MLLT10: variants seen among roughly 807,000 people sequenced by gnomAD.
The protein encoded by MLLT10 is MLLT10 histone lysine methyltransferase DOT1L cofactor.
MLLT10 carries 30 observed loss-of-function variants against 129.1 expected under a neutral mutation model. The observed-to-expected ratio is 0.23, with a 90% confidence interval of 0.17 to 0.32. MLLT10 has a LOEUF of 0.32. Ranked by LOEUF, MLLT10 falls within the 10% of genes least tolerant of loss-of-function variation. MLLT10 has a pLI of 1.00. For missense variants in MLLT10, 1,119 were observed against 1,268.3 expected, an observed-to-expected ratio of 0.88 and a Z score of 1.79; for synonymous variants, 490 against 446.4, an observed-to-expected ratio of 1.10 and a Z score of -1.23.
intron 3 of MLLT10, among the ~76,000 whole-genome samples, chr10:21,548,213 C>T (rs2036416185): frequency 1.3e-5 from 2 of 152,032 alleles, no homozygotes; most frequent in African/African-American, 4.8e-5. Context: ...CTTTTTCATT[C>T]TGAGGACTCA....
At chr10:21,702,965 T>G (rs902294408) in intron 13 of MLLT10, among the ~76,000 whole-genome samples, 1 of 152,174 alleles carries the variant, frequency 6.6e-6, no homozygotes, top group Non-Finnish European at 1.5e-5. Flanking sequence ...TGTCCTATTG[T>G]TTTCTAGTTG....
chr10:21,600,122 G>T (rs1284914378), intron 5 of MLLT10, among the ~76,000 whole-genome samples: 1 of 152,020 alleles, frequency 6.6e-6, no homozygotes, highest in East Asian at 1.9e-4. Flanking sequence ...ACTTGAGTTT[G>T]TTTCTGGACT....
At chr10:21,576,990 C>T (rs192225764) in intron 3 of MLLT10, among the ~76,000 whole-genome samples, 7 of 152,292 alleles carry the variant, frequency 4.6e-5, no homozygotes, top group Admixed American at 2.0e-4. Flanking sequence ...ACACTTGTAT[C>T]CCCTCAAGAA....
rs573122350 is a variant in MLLT10, at chr10:21,730,454, T to G, written c.2064-446T>G. Among the ~76,000 whole-genome samples the G allele has an allele frequency of 2.6e-5, 4 of 152,358 alleles. No homozygotes were observed. In the East Asian group the frequency reaches 7.7e-4, roughly 29 times the overall value. Reference sequence around the variant, plus strand: ...AGTGACATTTGAGATTTTAGTTGGTTGTAAATTCAAATACCTTTTACAGTA... The same window carrying G: ...AGTGACATTTGAGATTTTAGTTGGTGGTAAATTCAAATACCTTTTACAGTA... On this transcript the variant is annotated intron_variant, in intron 16 of 22. Coordinates refer to ENST00000307729, the MANE Select transcript of MLLT10 (RefSeq NM_001195626.3).
intron 8 of MLLT10, among the ~76,000 whole-genome samples, chr10:21,635,692 A>G (rs1290528185): frequency 1.3e-5 from 2 of 150,808 alleles, no homozygotes; most frequent in Non-Finnish European, 3.0e-5. Flanking sequence ...ATGAGAAACT[A>G]TGTTGCTGCC....
chr10:21,670,726 A>T, intron 10 of MLLT10, 22 bp downstream of exon 10: 1 of 1,595,922 alleles, frequency 6.3e-7, no homozygotes, highest in Non-Finnish European at 8.5e-7. Context: ...GTTTTAGTTA[A>T]AATACTTGTG....
chr10:21,537,758 C>T (rs1042315810), intron 2 of MLLT10, among the ~76,000 whole-genome samples: 15 of 152,056 alleles, frequency 9.9e-5, no homozygotes, highest in Admixed American at 5.9e-4. Flanking sequence ...CATGAGCCAC[C>T]GCGTCCGACC....
rs138455745 is a variant in MLLT10 at position 21,540,168 on chromosome 10, A to T, written c.240+1256A>T. ...CACTTTGGTAGGCTGAGGTGGGCGG[A>T]TCACTTGGGGTCAGGAGTTTGAGAC... On this transcript the variant is annotated intron_variant, in intron 3 of 22. Coordinates refer to ENST00000307729, the MANE Select transcript of MLLT10 (RefSeq NM_001195626.3). Among the ~76,000 whole-genome samples the T allele has an allele frequency of 2.8e-3, 429 of 152,246 alleles. 1 individual carries two copies. Among genetic ancestry groups the T allele is most frequent in the African/African-American group, 8.9e-3 (369 of 41,544 alleles).
chr10:21,562,812 T>TTTTTTG, intron 3 of MLLT10, among the ~76,000 whole-genome samples: 1 of 123,062 alleles, frequency 8.1e-6, no homozygotes. Flanking sequence ...ATACTTTGTT[T>TTTTTTG]TTTTTGTTTT....
intron 8 of MLLT10, among the ~76,000 whole-genome samples, chr10:21,651,442 A>G (rs1024589732): frequency 3.3e-5 from 5 of 152,218 alleles, no homozygotes; most frequent in Non-Finnish European, 5.9e-5. Flanking sequence ...TACAGACTTC[A>G]GTTGTTTATT....
At chr10:21,717,519 A>ACCTCCTCCTCCTCCTCCTCCT (rs1180960349) in intron 14 of MLLT10, among the ~76,000 whole-genome samples, 30 of 75,284 alleles carry the variant, frequency 4.0e-4, no homozygotes, top group Admixed American at 6.3e-4. Context: ...CTCCTCCACC[A>ACCTCCTCCTCCTCCTCCTCCT]CCTCCTCCTC....
At chr10:21,644,855 T>C (rs1249763966) in intron 8 of MLLT10, among the ~76,000 whole-genome samples, 3 of 152,086 alleles carry the variant, frequency 2.0e-5, no homozygotes, top group Admixed American at 2.0e-4. Flanking sequence ...GATGTCCAAC[T>C]CCTGGCCTCA....
At chr10:21,542,024 C>T (rs186897996) in intron 3 of MLLT10, among the ~76,000 whole-genome samples, 65 of 152,048 alleles carry the variant, frequency 4.3e-4, no homozygotes, top group Admixed American at 3.2e-3. Context: ...TAGGTCACTA[C>T]GCAGTGGAAC....
chr10:21,625,667 T>C (rs2046359343), intron 8 of MLLT10: 1 of 763,988 alleles, frequency 1.3e-6, no homozygotes, highest in South Asian at 1.3e-5. Context: ...CAGAGTGTTT[T>C]CTTTAGTCTT....
Position 21,733,775 on chromosome 10 carries a change from C to T in MLLT10, c.2504C>T (p.Thr835Ile), listed in dbSNP as rs139953205. ...NSLPVLNQDL[T>I]SSGQSTSSSS... ...TCTTCTTTCTTACGCTAGGACTTAACCTCCAGTGGACAAAGTACCAGCAGC... is the reference window on the plus strand; with the variant it reads ...TCTTCTTTCTTACGCTAGGACTTAATCTCCAGTGGACAAAGTACCAGCAGC... Residue 835 changes from threonine (T) to isoleucine (I), a missense_variant, in exon 20 of 23, where the codon ACC (threonine) becomes ATC (isoleucine). Thr to Ile is a moderately conservative substitution (Grantham distance 89). Transcript: ENST00000307729. The T allele has an allele frequency of 2.1e-4, 344 of 1,611,116 alleles. 3 individuals are homozygous for T. The East Asian group carries it at 6.4e-3, about 30-fold the overall frequency.
intron 6 of MLLT10, among the ~76,000 whole-genome samples, chr10:21,614,547 A>G (rs1197345844): frequency 6.6e-6 from 1 of 152,186 alleles, no homozygotes; most frequent in Non-Finnish European, 1.5e-5. Flanking sequence ...CTTAAACTTA[A>G]TATCTATTTG....
rs1564710949 is a variant in MLLT10, at chr10:21,717,680, C to CTCCTCCTCT, written c.1878+3738_1878+3739insTTCCTCCTC. ...CCTCCTCCTCTTCCTCCTCCTCTTC[C>CTCCTCCTCT]TCCTCCTCCTCCTCCTCCTCTTCCT... On this transcript the variant is annotated intron_variant, in intron 14 of 22. Transcript: ENST00000307729. Among the ~76,000 whole-genome samples the CTCCTCCTCT allele has an allele frequency of 2.1e-3, 222 of 106,196 alleles. 1 individual carries two copies. Among genetic ancestry groups the CTCCTCCTCT allele is most frequent in the African/African-American group, 8.5e-3 (204 of 24,018 alleles). The allele number at this position is 106,196 out of a possible 152,430, so 69.7% of individuals were successfully genotyped here. A position where few individuals can be genotyped will look rare whatever the true frequency, so the allele number is the denominator to read the frequency against.
chr10:21,717,576 T>G (rs2056726562), intron 14 of MLLT10, among the ~76,000 whole-genome samples: 1 of 125,072 alleles, frequency 8.0e-6, no homozygotes, highest in African/African-American at 3.0e-5. Flanking sequence ...CCTCTTCCTC[T>G]TCTTTCTTCC....
intron 9 of MLLT10, among the ~76,000 whole-genome samples, chr10:21,654,562 A>G (rs1274637286): frequency 6.6e-6 from 1 of 152,236 alleles, no homozygotes; most frequent in Non-Finnish European, 1.5e-5. Flanking sequence ...ATAATGCAAA[A>G]GAAAATTTCC....
Sources: gnomAD v4.1 joint callset for allele counts (sites outside exome capture counted in the v4.1 genomes callset) on GRCh38, gnomAD v4.1.1 for gene constraint, MANE v1.5 for transcripts, NCBI Gene and HGNC (gene_info 2026-07-23, HGNC 2026-07-21) for gene names.